RIF1: variants seen among roughly 807,000 people sequenced by gnomAD.
RIF1 encodes the protein telomere-associated protein RIF1.
A neutral mutation model predicts 247.1 loss-of-function variants in RIF1; 45 were observed. The observed-to-expected ratio is 0.18, with a 90% CI of 0.14 to 0.23. The LOEUF (loss-of-function observed/expected upper bound fraction) is 0.23, where lower values mean the gene tolerates loss of function less well. RIF1 is among the 10% of genes least tolerant of loss of function. The pLI is 1.00. For missense variants in RIF1, 2,967 were observed against 2,862.5 expected (o/e 1.04, Z -0.83); for synonymous variants, 1,087 against 978.8 (o/e 1.11, Z -2.06).
intron 10 of RIF1, among the ~76,000 whole-genome samples, chr2:151,434,181 AAGAG>A (rs890005475): frequency 4.8e-5 from 7 of 147,220 alleles, no homozygotes; most frequent in African/African-American, 1.1e-4. Flanking sequence ...AAAAAAAAAA[AAGAG>A]AGAAATCAAG....
chr2:151,527,788 G>A, the RIF1 span, among the ~76,000 whole-genome samples: 347 of 152,266 alleles, frequency 2.3e-3, no homozygotes, highest in Admixed American at 3.6e-3. Flanking sequence ...CTGTGGTCCC[G>A]AAATAGAGGC....
chr2:151,445,311 C>G (rs1266618833), intron 18 of RIF1, 27 bp from the exon 19 acceptor site: 2 of 1,275,496 alleles, frequency 1.6e-6, no homozygotes, highest in African/African-American at 1.5e-5. Flanking sequence ...GGTAATTTGT[C>G]TAACTTCATT....
intron 21 of RIF1, among the ~76,000 whole-genome samples, chr2:151,454,536 A>G (rs1331822717): frequency 1.3e-5 from 2 of 152,132 alleles, no homozygotes; most frequent in Non-Finnish European, 2.9e-5. Flanking sequence ...TTTGGAACCT[A>G]TCTTATGTAA....
exon 14 of RIF1, chr2:151,507,807 A>G: frequency 1.8e-6 from 1 of 548,316 alleles, no homozygotes; most frequent in Non-Finnish European, 3.3e-6. Context: ...GAAGTAACAG[A>G]TGAGTCTTTC....
At chr2:151,498,506 T>TAAAG (rs1553557197) in intron 10 of RIF1, among the ~76,000 whole-genome samples, 1 of 152,148 alleles carries the variant, frequency 6.6e-6, no homozygotes, top group Admixed American at 6.5e-5. Context: ...TGTTTGAGCC[T>TAAAG]AAAGACATCT....
rs564618279 is a variant in RIF1, at chr2:151,459,052, CT to C, written c.2955+146del. 227 of 543,274 alleles carry C rather than the reference CT, an allele frequency of 4.2e-4. 2 individuals are homozygous for C. Among genetic ancestry groups the C allele is most frequent in the South Asian group, 3.2e-3 (119 of 36,696 alleles). The allele number at this position is 543,274 out of a possible 1,614,324, so 33.7% of individuals were successfully genotyped here. On this transcript the variant is annotated intron_variant, in intron 25 of 35. Transcript: ENST00000444746. ...TTGTCAGTGGTGTGGCCTGAAATTT[CT>C]TTTGTGATTTTTCACTAGAGATTCT...
At chr2:151,497,032 A>T (rs1440245067) in intron 10 of RIF1, 4 of 1,566,428 alleles carry the variant, frequency 2.6e-6, no homozygotes, top group Non-Finnish European at 3.5e-6. Context: ...TTTGTATAAC[A>T]CCTGTGCGAT....
At chr2:151,412,043 T>C (rs77827596) in intron 3 of RIF1, among the ~76,000 whole-genome samples, 4,552 of 152,310 alleles carry the variant, frequency 0.03, 122 homozygotes, top group East Asian at 0.14. Flanking sequence ...CAATTGTCTT[T>C]GGTCTAATCT....
the RIF1 span, chr2:151,529,099 T>C: frequency 2.4e-5 from 18 of 749,660 alleles, no homozygotes; most frequent in Non-Finnish European, 3.8e-5. Context: ...GACTCTTGCT[T>C]TGGAATCAAT....
chr2:151,485,661 T>C (rs143994653), downstream of RIF1: 588 of 1,189,518 alleles, frequency 4.9e-4, 4 homozygotes, highest in Admixed American at 0.011. Flanking sequence ...AGAAAAACCA[T>C]AGGCAGCTTG....
chr2:151,424,923 C>T (rs1194166162), intron 8 of RIF1, among the ~76,000 whole-genome samples: 2 of 147,646 alleles, frequency 1.4e-5, no homozygotes, highest in East Asian at 2.0e-4. Context: ...AAGTGATCCG[C>T]CTGCCTCAGC....
chr2:151,435,381 A>T, intron 10 of RIF1, 82 bp from the exon 11 acceptor site: 2 of 800,052 alleles, frequency 2.5e-6, no homozygotes, highest in South Asian at 1.7e-5. Context: ...GGCTCCATTT[A>T]ATGAAATTTA....
chr2:151,510,249 T>A (rs1327798179), downstream of RIF1, among the ~76,000 whole-genome samples: 2 of 152,202 alleles, frequency 1.3e-5, no homozygotes, highest in African/African-American at 4.8e-5. Flanking sequence ...GAGTTTTTTT[T>A]AGACCCACAG....
Position 151,440,130 on chromosome 2 carries a change from A to G in RIF1, c.1647+3A>G. ...TATTTCCTGTATCAAAAACGCTGGTAAGTATAATACCCGTATGTTGGACTT... is the reference window on the plus strand; with the variant it reads ...TATTTCCTGTATCAAAAACGCTGGTGAGTATAATACCCGTATGTTGGACTT... On this transcript the variant is annotated splice_donor_region_variant and intron_variant, in intron 15 of 35. Coordinates refer to ENST00000444746, the MANE Select transcript of RIF1 (RefSeq NM_018151.5). 6.9e-7 allele frequency: 1 copy of G among 1,440,596 alleles called. No individual in the cohort carries two copies. Among genetic ancestry groups the G allele is most frequent in the South Asian group, 1.2e-5 (1 of 83,536 alleles). The allele number at this position is 1,440,596 out of a possible 1,614,324, so 89.2% of individuals were successfully genotyped here. A position where few individuals can be genotyped will look rare whatever the true frequency, so the allele number is the denominator to read the frequency against.
At chr2:151,455,834 T>G (rs540263273) in intron 22 of RIF1, among the ~76,000 whole-genome samples, 4 of 152,172 alleles carry the variant, frequency 2.6e-5, no homozygotes, top group Non-Finnish European at 5.9e-5. Context: ...ACCATATACA[T>G]GAGAATCTCA....
At chr2:151,468,195 T>C (rs991362366) in intron 31 of RIF1, 49 bp downstream of exon 31, 19 of 1,461,050 alleles carry the variant, frequency 1.3e-5, no homozygotes, top group Non-Finnish European at 1.6e-5. Context: ...GACACAGAAT[T>C]ACATGTACAT....
intron 35 of RIF1, 38 bp from the exon 36 acceptor site, chr2:151,474,808 AATTTTTGTCTG>A: frequency 1.8e-6 from 2 of 1,084,354 alleles, no homozygotes; most frequent in Non-Finnish European, 2.7e-6. Context: ...TAAAAAATTT[AATTTTTGTCTG>A]GTATAGATTT....
chr2:151,531,836 G>T, the RIF1 span: 1 of 1,613,112 alleles, frequency 6.2e-7, no homozygotes, highest in South Asian at 1.1e-5. Flanking sequence ...AGGTGTTCTG[G>T]AGTATCCACA....
At chr2:151,415,144 G>A (rs1304780730) in intron 4 of RIF1, among the ~76,000 whole-genome samples, 3 of 151,514 alleles carry the variant, frequency 2.0e-5, no homozygotes, top group Non-Finnish European at 2.9e-5. Flanking sequence ...TCAGGAGATC[G>A]AGACCATCCT....
Sources: allele counts gnomAD v4.1 joint callset (sites outside exome capture counted in the v4.1 genomes callset), GRCh38; gene constraint gnomAD v4.1.1; transcripts MANE v1.5; gene names NCBI Gene and HGNC (gene_info 2026-07-23, HGNC 2026-07-21).